Variants in PTCD3 observed in about 807,000 individuals in gnomAD.
PTCD3 encodes pentatricopeptide repeat domain 3, also known as small ribosomal subunit protein mS39.
A neutral mutation model predicts 101.9 loss-of-function variants in PTCD3; 89 were observed. That is an observed-to-expected ratio of 0.87 (90% confidence interval 0.74 to 1.04). The LOEUF (loss-of-function observed/expected upper bound fraction) is 1.04. PTCD3 is among the 50% of genes least tolerant of loss of function. The probability of loss-of-function intolerance (pLI) is 0.00; values close to 1 mark genes in which losing one functional copy is unlikely to be tolerated. For missense variants in PTCD3, 870 were observed against 828.2 expected (o/e 1.05, Z -0.62); for synonymous variants, 296 against 278.5 (o/e 1.06, Z -0.63).
chr2:86,108,251 G>T (rs753630347), intron 1 of PTCD3, 99 bp from the exon 2 acceptor site: 123 of 1,342,362 alleles, frequency 9.2e-5, no homozygotes, highest in Non-Finnish European at 1.3e-4. Context: ...AGTTTAATCC[G>T]TGATAATTGG....
chr2:86,137,180 C>T (rs2104464289), intron 23 of PTCD3, 40 bp downstream of exon 23: 2 of 1,522,208 alleles, frequency 1.3e-6, no homozygotes, highest in Non-Finnish European at 1.8e-6. Flanking sequence ...AAAATGGAGA[C>T]CTTTCATCCA....
intron 14 of PTCD3, 132 bp from the exon 15 acceptor site, chr2:86,130,516 C>A: frequency 7.3e-7 from 1 of 1,376,124 alleles, no homozygotes; most frequent in Non-Finnish European, 9.6e-7. Context: ...AAGCATTGGC[C>A]TCCACCCAGA....
Position 86,110,445 on chromosome 2 carries a change from A to G in PTCD3, c.195-668A>G, listed in dbSNP as rs17026923. 6.8e-3 allele frequency among the ~76,000 whole-genome samples: 1,038 copies of G among 152,396 alleles called. 14 individuals carry two copies. The highest frequency in any genetic ancestry group is 0.023 in the African/African-American group (960 of 41,592). On this transcript the variant is annotated intron_variant, in intron 3 of 23. Coordinates refer to ENST00000254630, the MANE Select transcript of PTCD3 (RefSeq NM_017952.6). ...TAATTCCCTTTTGGAAAGGAAACAC[A>G]TTAAATCTAACATAGGAGCACAAAT...
intron 6 of PTCD3, among the ~76,000 whole-genome samples, chr2:86,118,699 T>G (rs1013394032): frequency 6.6e-6 from 1 of 152,222 alleles, no homozygotes; most frequent in Non-Finnish European, 1.5e-5. Flanking sequence ...TTGGGTAGTA[T>G]TAAATGTTTA....
intron 7 of PTCD3, 144 bp downstream of exon 7, chr2:86,119,188 G>T: frequency 9.7e-7 from 1 of 1,032,952 alleles, no homozygotes; most frequent in Non-Finnish European, 1.4e-6. Context: ...ATTTTTAGTA[G>T]TTTATTTCAT....
intron 19 of PTCD3, 29 bp downstream of exon 19, chr2:86,133,465 G>T (rs1379977438): frequency 2.6e-6 from 4 of 1,541,354 alleles, no homozygotes; most frequent in Non-Finnish European, 2.7e-6. Context: ...GTGTCCAGGT[G>T]CATCTCACCT....
intron 6 of PTCD3, among the ~76,000 whole-genome samples, chr2:86,118,262 G>A (rs1009487171): frequency 5.9e-5 from 9 of 152,148 alleles, no homozygotes; most frequent in African/African-American, 2.2e-4. Flanking sequence ...CTGTAGTTTT[G>A]GAGTGAGGAT....
intron 13 of PTCD3, chr2:86,127,708 A>G: frequency 1.8e-6 from 1 of 540,702 alleles, no homozygotes; most frequent in Non-Finnish European, 3.3e-6. Context: ...GTTCTCAGTG[A>G]AGAATGTGAC....
intron 9 of PTCD3, among the ~76,000 whole-genome samples, chr2:86,123,989 T>TC (rs1396073340): frequency 6.6e-6 from 1 of 152,240 alleles, no homozygotes; most frequent in Admixed American, 6.5e-5. Context: ...CCCTTTTTTT[T>TC]CCCTCATCTG....
intron 1 of PTCD3, chr2:86,107,002 T>C (rs1486317221): frequency 2.5e-6 from 1 of 405,622 alleles, no homozygotes; most frequent in Non-Finnish European, 5.1e-6. Context: ...AATTGGATGA[T>C]AATAGACAGA....
At position 86,130,635 on chromosome 2, in the gene PTCD3, T is replaced by A; in HGVS notation, c.1148-13T>A. 6.2e-7 allele frequency: 1 copy of A among 1,606,114 alleles called. No individual in the cohort carries two copies. Among genetic ancestry groups the A allele is most frequent in the Non-Finnish European group, 8.5e-7 (1 of 1,176,428 alleles). ...GGAAGTGGATTAAACACATTTGCTT[T>A]CTTGTTCTGCAGGAGACCCTTTAAA... is the stretch of plus-strand genomic sequence containing the variant. On this transcript the variant is annotated splice_polypyrimidine_tract_variant and intron_variant, in intron 14 of 23. Transcript: ENST00000254630.
At chr2:86,124,905 G>A (rs1674355488) in intron 9 of PTCD3, 90 bp from the exon 10 acceptor site, 17 of 1,520,578 alleles carry the variant, frequency 1.1e-5, no homozygotes, top group African/African-American at 1.4e-5. Flanking sequence ...TTGGCACATT[G>A]CCTAGAACAT....
chr2:86,131,294 GAGTGC>G (rs1195232654), intron 16 of PTCD3, among the ~76,000 whole-genome samples, 188 bp downstream of exon 16: 3 of 151,564 alleles, frequency 2.0e-5, no homozygotes, highest in Non-Finnish European at 4.4e-5. Context: ...CCCCATGCTG[GAGTGC>G]AGTGGCTCAC....
rs1363324077 is a variant in PTCD3, at chr2:86,133,209, G to A, written c.1405G>A (p.Glu469Lys). 4 of 1,613,822 alleles carry A rather than the reference G, an allele frequency of 2.5e-6. No homozygotes were observed. The highest frequency in any genetic ancestry group is 3.4e-6 in the Non-Finnish European group (4 of 1,179,980). ...SKFFDLICLM[E>K]QIDVTLKWYE... ...GTTCTTCGATTTGATTTGTCTAATG[G>A]AACAAATTGATGTTACCTTGAAGTG... is the stretch of plus-strand genomic sequence containing the variant. Residue 469 changes from glutamate to lysine, a missense_variant, in exon 18 of 24, where the codon GAA (glutamate) becomes AAA (lysine). Coordinates refer to ENST00000254630, the MANE Select transcript of PTCD3 (RefSeq NM_017952.6).
At position 86,116,614 on chromosome 2, in the gene PTCD3, T is replaced by C. The variant is rs1284958104; in HGVS notation, c.309+16T>C. Reference sequence around the variant, plus strand: ...TTTGGAATCTGTGAGTATTTTCATATAATTTTCTAGTGTTTTATCTCTCTG... The same window carrying C: ...TTTGGAATCTGTGAGTATTTTCATACAATTTTCTAGTGTTTTATCTCTCTG... On this transcript the variant is annotated intron_variant, in intron 5 of 23. Transcript: ENST00000254630. 3 of 1,579,284 alleles carry C rather than the reference T, an allele frequency of 1.9e-6. No homozygotes were observed. The highest frequency in any genetic ancestry group is 2.2e-5 in the South Asian group (2 of 90,300).
intron 21 of PTCD3, among the ~76,000 whole-genome samples, chr2:86,136,316 G>A (rs1212515772): frequency 1.4e-5 from 2 of 147,812 alleles, no homozygotes; most frequent in Non-Finnish European, 3.0e-5. Context: ...GTGTAGATTC[G>A]TTTGGGGAGT....
At chr2:86,131,017 A>G in intron 15 of PTCD3, 61 bp from the exon 16 acceptor site, 1 of 1,529,410 alleles carries the variant, frequency 6.5e-7, no homozygotes. Flanking sequence ...TGTTAATGTT[A>G]CTGACTTGAA....
intron 3 of PTCD3, among the ~76,000 whole-genome samples, chr2:86,109,139 C>T (rs1573845846): frequency 6.6e-6 from 1 of 152,194 alleles, no homozygotes; most frequent in Non-Finnish European, 1.5e-5. Flanking sequence ...GGCGCGGTGG[C>T]TTACGCCTGT....
intron 17 of PTCD3, 32 bp from the exon 18 acceptor site, chr2:86,133,146 T>C (rs768003833): frequency 6.2e-6 from 10 of 1,607,582 alleles, no homozygotes; most frequent in Admixed American, 1.7e-5. Context: ...ATAGGGACTT[T>C]AGACTAAACA....
Sources: allele counts gnomAD v4.1 joint callset (sites outside exome capture counted in the v4.1 genomes callset), GRCh38; gene constraint gnomAD v4.1.1; transcripts MANE v1.5; gene names NCBI Gene and HGNC (gene_info 2026-07-23, HGNC 2026-07-21).